Variants in GSE1 observed in about 807,000 individuals in gnomAD.
GSE1 encodes the protein Gse1 coiled-coil protein.
In GSE1, 32 loss-of-function variants were observed where a neutral mutation model predicts 112.6. The observed-to-expected ratio is 0.28, with a 90% CI of 0.21 to 0.38. The LOEUF (loss-of-function observed/expected upper bound fraction) is 0.38, where lower values mean the gene tolerates loss of function less well. GSE1 is among the 10% of genes least tolerant of loss of function. The pLI is 1.00. For missense variants in GSE1, 2,348 were observed against 1,699.2 expected, an observed-to-expected ratio of 1.38 and a Z score of -6.71; for synonymous variants, 1,115 against 735.6, an observed-to-expected ratio of 1.52 and a Z score of -8.35.
At chr16:85,301,985 C>A (rs1483624547) in intron 1 of GSE1, among the ~76,000 whole-genome samples, 1 of 152,240 alleles carries the variant, frequency 6.6e-6, no homozygotes. Context: ...CCTCATGGGG[C>A]ACAGCGCTGG....
In GSE1 at chr16:85,311,125, G is replaced by A. The variant is rs776021584; in HGVS notation, c.2284-46338G>A. Among the ~76,000 whole-genome samples the A allele has an allele frequency of 1.2e-4, 18 of 152,230 alleles. No individual in the cohort carries two copies. Among genetic ancestry groups the A allele is most frequent in the Non-Finnish European group, 2.2e-4 (15 of 68,034 alleles). Reference sequence around the variant, plus strand: ...CAGCCGTGGAGGACGGCAGAGGGGAGGGCAGCCTGCTCCGTGGGCTGGTCC... The same window carrying A: ...CAGCCGTGGAGGACGGCAGAGGGGAAGGCAGCCTGCTCCGTGGGCTGGTCC... On this transcript the variant is annotated intron_variant, in intron 1 of 2. Transcript: ENST00000637419. The surrounding 1 kb of genome is among the most constrained non-coding windows in gnomAD (Gnocchi z 4.2).
chr16:85,477,053 G>A (rs113388274), intron 2 of GSE1, among the ~76,000 whole-genome samples: 4,453 of 151,200 alleles, frequency 0.029, 213 homozygotes, highest in African/African-American at 0.1. Flanking sequence ...AGCCTCCCTA[G>A]TAGCTGGGAT....
intron 2 of GSE1, among the ~76,000 whole-genome samples, chr16:85,411,203 A>C (rs1280868283): frequency 8.6e-4 from 58 of 67,160 alleles, no homozygotes; most frequent in Admixed American, 1.3e-3. Flanking sequence ...TCACTGTTAC[A>C]CTCAGGGCCC....
intron 7 of GSE1, among the ~76,000 whole-genome samples, 178 bp from the exon 8 acceptor site, chr16:85,657,099 A>G (rs1305061785): frequency 1.3e-5 from 2 of 152,120 alleles, no homozygotes. Context: ...CCTTCCAGGG[A>G]CAAGACATGC....
chr16:85,485,333 G>C (rs1223671837), intron 2 of GSE1, among the ~76,000 whole-genome samples: 1 of 152,242 alleles, frequency 6.6e-6, no homozygotes, highest in Non-Finnish European at 1.5e-5. Flanking sequence ...CACACAGCAG[G>C]GTGGGCCAGG....
chr16:85,522,219 C>T (rs1598053618), intron 2 of GSE1, among the ~76,000 whole-genome samples: 1 of 152,264 alleles, frequency 6.6e-6, no homozygotes, highest in East Asian at 1.9e-4. Flanking sequence ...GTGGGATTGG[C>T]CGGGCCGTGG....
chr16:85,452,350 G>T (rs1183604230), intron 2 of GSE1, among the ~76,000 whole-genome samples: 1 of 152,158 alleles, frequency 6.6e-6, no homozygotes, highest in Non-Finnish European at 1.5e-5. Flanking sequence ...CGGGTGCTGA[G>T]CCTGTGTGTT....
chr16:85,652,487 G>C (rs1173115201), intron 3 of GSE1, among the ~76,000 whole-genome samples: 1 of 152,234 alleles, frequency 6.6e-6, no homozygotes, highest in Non-Finnish European at 1.5e-5. Flanking sequence ...TACAGAGAAG[G>C]GGGGCCGGGG....
At chr16:85,188,343 A>G (rs892445594) in intron 1 of GSE1, among the ~76,000 whole-genome samples, 1 of 152,220 alleles carries the variant, frequency 6.6e-6, no homozygotes, top group Non-Finnish European at 1.5e-5. Context: ...GCTGTAGTAC[A>G]TAGTATGTGC....
chr16:85,312,204 C>CGGAGG (rs1345590811), intron 1 of GSE1, among the ~76,000 whole-genome samples: 1 of 55,780 alleles, frequency 1.8e-5, no homozygotes, highest in Non-Finnish European at 3.3e-5. Flanking sequence ...GATCCTCTTG[C>CGGAGG]GGGGGGGGGG....
chr16:85,414,967 C>G (rs115842653), intron 2 of GSE1, among the ~76,000 whole-genome samples: 1 of 152,134 alleles, frequency 6.6e-6, no homozygotes, highest in African/African-American at 2.4e-5. Flanking sequence ...ACTTTTGATA[C>G]AGGGTCTCAC....
intron 1 of GSE1, chr16:85,595,212 C>G (rs943829368): frequency 4.6e-5 from 7 of 152,378 alleles, no homozygotes; most frequent in African/African-American, 1.4e-4. Context: ...CCCCTGCATC[C>G]CCTCCAGACT....
At chr16:85,494,559 A>G (rs1426074348) in intron 2 of GSE1, among the ~76,000 whole-genome samples, 1 of 148,458 alleles carries the variant, frequency 6.7e-6, no homozygotes, top group Non-Finnish European at 1.5e-5. Flanking sequence ...ATGCCCCACC[A>G]CGCCCAGCTA....
At chr16:85,612,717 G>T (rs1352694982), upstream of GSE1, among the ~76,000 whole-genome samples, 1 of 152,024 alleles carries the variant, frequency 6.6e-6, no homozygotes, top group Non-Finnish European at 1.5e-5. Context: ...GTGGGGCTTG[G>T]GTACACAGTC....
intron 1 of GSE1, among the ~76,000 whole-genome samples, chr16:85,256,294 C>T (rs998231250): frequency 2.0e-5 from 3 of 152,186 alleles, no homozygotes; most frequent in Non-Finnish European, 2.9e-5. Flanking sequence ...TGACAACAGC[C>T]AGCACCTGTG....
intron 1 of GSE1, among the ~76,000 whole-genome samples, chr16:85,596,966 T>TTTTG (rs113778336): frequency 0.052 from 7,826 of 151,684 alleles, 550 homozygotes; most frequent in African/African-American, 0.16. Flanking sequence ...GTAGTTGTTT[T>TTTTG]TTTGTTTGTT....
chr16:85,596,743 A>T (rs777741656), intron 1 of GSE1, among the ~76,000 whole-genome samples: 1 of 152,162 alleles, frequency 6.6e-6, no homozygotes, highest in African/African-American at 2.4e-5. Context: ...TCTCTTCATC[A>T]TGGAAAGTTC....
At chr16:85,386,037 C>T (rs1300474805) in intron 2 of GSE1, among the ~76,000 whole-genome samples, 3 of 152,184 alleles carry the variant, frequency 2.0e-5, no homozygotes, top group African/African-American at 7.2e-5. Context: ...GCTGTCTGGG[C>T]CTCCCGTGGC....
At chr16:85,207,450 A>G (rs982662816) in intron 1 of GSE1, among the ~76,000 whole-genome samples, 2 of 152,234 alleles carry the variant, frequency 1.3e-5, no homozygotes, top group Non-Finnish European at 2.9e-5. Flanking sequence ...GGCAGTGGAC[A>G]TGACAGATGC....
Sources: allele counts gnomAD v4.1 joint callset (sites outside exome capture counted in the v4.1 genomes callset), GRCh38; gene constraint gnomAD v4.1.1; non-coding constraint Gnocchi (gnomAD v3.1); transcripts MANE v1.5; gene names NCBI Gene and HGNC (gene_info 2026-07-23, HGNC 2026-07-21).